SAFB: variants seen among roughly 807,000 people sequenced by gnomAD.
SAFB encodes scaffold attachment factor B.
In SAFB, 15 loss-of-function variants were observed where a neutral mutation model predicts 101.6. That is an observed-to-expected ratio of 0.15 (90% CI 0.10 to 0.23). The LOEUF is 0.23. Ranked by LOEUF, SAFB falls within the 10% of genes least tolerant of loss-of-function variation. The pLI is 1.00. For missense variants in SAFB, 930 were observed against 1,104.1 expected (o/e 0.84, Z 2.23); for synonymous variants, 449 against 407.5 (o/e 1.10, Z -1.23).
intron 14 of SAFB, among the ~76,000 whole-genome samples, chr19:5,661,153 C>T (rs746395180): frequency 5.3e-5 from 8 of 151,970 alleles, no homozygotes; most frequent in African/African-American, 7.3e-5. Flanking sequence ...GATCTCTTGA[C>T]CTCATGATCC....
chr19:5,642,076 G>A (rs755037537), intron 4 of SAFB, 130 bp downstream of exon 4: 2 of 773,420 alleles, frequency 2.6e-6, no homozygotes, highest in Admixed American at 2.0e-5. Context: ...GGGTCAGTTG[G>A]TTCAGATGAT....
intron 2 of SAFB, 50 bp downstream of exon 2, chr19:5,626,539 C>A: frequency 9.4e-7 from 1 of 1,063,852 alleles, no homozygotes; most frequent in Non-Finnish European, 1.5e-6. Context: ...TTCTTCAAAA[C>A]GAATACATTG....
Position 5,667,743 on chromosome 19 carries a change from G to A in SAFB, c.2558-77G>A. 6.9e-7 allele frequency: 1 copy of A among 1,454,248 alleles called. No homozygotes were observed. Among genetic ancestry groups the A allele is most frequent in the Non-Finnish European group, 9.6e-7 (1 of 1,040,774 alleles). The allele number at this position is 1,454,248 out of a possible 1,614,324, so 90.1% of individuals were successfully genotyped here. A position where few individuals can be genotyped will look rare whatever the true frequency, so the allele number is the denominator to read the frequency against. ...GTACCTGGGGGCCTCACCAAAGGGA[G>A]TGGAGTGGGCTAAATGTGCCGTGGG... is the stretch of plus-strand genomic sequence containing the variant. On this transcript the variant is annotated intron_variant, in intron 19 of 20. Transcript: ENST00000588852. The surrounding 1 kb of genome is among the most constrained non-coding windows in gnomAD (Gnocchi z 4.0).
At chr19:5,626,832 G>T (rs1461151890) in intron 2 of SAFB, among the ~76,000 whole-genome samples, 1 of 152,188 alleles carries the variant, frequency 6.6e-6, no homozygotes, top group Non-Finnish European at 1.5e-5. Flanking sequence ...GATCACATGA[G>T]CCTGGGAGTT....
intron 14 of SAFB, among the ~76,000 whole-genome samples, chr19:5,658,851 A>AG (rs1262568053): frequency 3.4e-4 from 38 of 110,436 alleles, no homozygotes; most frequent in African/African-American, 7.7e-4. Context: ...TCAAAAAAAA[A>AG]GGGGGGGTCG....
rs1201953687 is a variant in SAFB at position 5,657,335 on chromosome 19, C to T, written c.1850C>T (p.Ser617Leu). 9 of 1,608,994 alleles carry T rather than the reference C, an allele frequency of 5.6e-6. No individual in the cohort carries two copies. The highest frequency in any genetic ancestry group is 7.7e-6 in the Non-Finnish European group (9 of 1,175,398). The change falls in exon 14 of 21, where the codon TCA (serine) becomes TTA (leucine). Residue 617 changes from serine to leucine, a missense_variant. Coordinates refer to ENST00000588852, the MANE Select transcript of SAFB (RefSeq NM_001201338.2). The part of the protein sequence containing the change: ...KVKEPRKSRD[S>L]ESHSRVRERS... ...AAGGAGCCTCGGAAGTCAAGAGACT[C>T]AGAGTCCCATAGGTGAGTAGGGATC...
At chr19:5,653,637 G>A (rs2053989708) in intron 11 of SAFB, among the ~76,000 whole-genome samples, 1 of 152,100 alleles carries the variant, frequency 6.6e-6, no homozygotes, top group Non-Finnish European at 1.5e-5. Context: ...GCTAATTTTT[G>A]TATTTTCAGT....
chr19:5,651,690 C>T (rs1295224961), intron 9 of SAFB, among the ~76,000 whole-genome samples: 2 of 152,192 alleles, frequency 1.3e-5, no homozygotes. Flanking sequence ...GCCCTCCTCC[C>T]TGTGCTTTCT....
chr19:5,624,404 G>A (rs2053295921), intron 1 of SAFB, among the ~76,000 whole-genome samples: 1 of 152,096 alleles, frequency 6.6e-6, no homozygotes, highest in Admixed American at 6.5e-5. Context: ...TTTGCAGATC[G>A]GGGGCTCTAA....
At chr19:5,656,697 C>G (rs947580048) in intron 13 of SAFB, among the ~76,000 whole-genome samples, 3 of 151,866 alleles carry the variant, frequency 2.0e-5, no homozygotes, top group African/African-American at 7.3e-5. Context: ...CCACCTCATC[C>G]TCCAAAGTAA....
intron 4 of SAFB, among the ~76,000 whole-genome samples, chr19:5,642,469 CAAA>C (rs11366187): frequency 1.4e-5 from 2 of 139,248 alleles, no homozygotes; most frequent in Admixed American, 7.2e-5. Context: ...AACAAACAAA[CAAA>C]AAAAAAAACA....
intron 4 of SAFB, among the ~76,000 whole-genome samples, chr19:5,642,869 G>T (rs553225017): frequency 3.3e-5 from 5 of 151,936 alleles, no homozygotes; most frequent in South Asian, 2.1e-4. Flanking sequence ...TTTTCACCAT[G>T]TTGGCCAGGC....
intron 9 of SAFB, 56 bp from the exon 10 acceptor site, chr19:5,653,059 C>T: frequency 3.8e-6 from 6 of 1,595,316 alleles, no homozygotes; most frequent in Non-Finnish European, 5.1e-6. Flanking sequence ...TTCATATCCC[C>T]ATGCCCCGCT....
At chr19:5,644,720 C>T (rs997447746) in intron 4 of SAFB, among the ~76,000 whole-genome samples, 1 of 152,214 alleles carries the variant, frequency 6.6e-6, no homozygotes, top group Non-Finnish European at 1.5e-5. Flanking sequence ...GTTTCAGTCA[C>T]AAATTATCTG....
At chr19:5,639,824 GTGTTT>G (rs1051621025) in intron 2 of SAFB, among the ~76,000 whole-genome samples, 1 of 152,028 alleles carries the variant, frequency 6.6e-6, no homozygotes. Context: ...TGGAGCCGAA[GTGTTT>G]TGTTTGTTTG....
intron 17 of SAFB, 171 bp from the exon 18 acceptor site, chr19:5,666,875 C>T (rs1850860493): frequency 2.8e-6 from 2 of 712,274 alleles, no homozygotes; most frequent in African/African-American, 3.5e-5. Context: ...CACAGGGCCT[C>T]TGGCCTGCAG....
At chr19:5,625,385 C>G (rs2053335949) in intron 1 of SAFB, among the ~76,000 whole-genome samples, 1 of 152,150 alleles carries the variant, frequency 6.6e-6, no homozygotes, top group Non-Finnish European at 1.5e-5. Context: ...GAACTTCAGT[C>G]CCTTTTCTGG....
In SAFB at chr19:5,661,769, AGCGGCGGCCCGCGGT is replaced by A. The variant is rs755250595; in HGVS notation, c.2125_2139del (p.Ala709_Pro713del). ...CAGCAGGAACTGCGCTATGAGCAGG[AGCGGCGGCCCGCGGT>A]GCGGCGGCCCTACGACCTGGACCGG... On this transcript the variant is annotated inframe_deletion, in exon 15 of 21. Transcript: ENST00000588852. 16 of 1,575,088 alleles carry A rather than the reference AGCGGCGGCCCGCGGT, an allele frequency of 1.0e-5. No individual in the cohort carries two copies. The highest frequency in any genetic ancestry group is 1.3e-5 in the Non-Finnish European group (15 of 1,162,174).
chr19:5,653,220 C>T lies in SAFB; in HGVS notation c.1399C>T (p.Leu467=), dbSNP rs1424804481. Reference sequence around the variant, plus strand: ...AGAGGCCACAAAATGCATTAACCACCTGCACAAGACGGAGCTCCACGGAAA... The same window carrying T: ...AGAGGCCACAAAATGCATTAACCACTTGCACAAGACGGAGCTCCACGGAAA... ...AEEATKCINH[L]HKTELHGKMI... Residue 467 remains leucine (L), a synonymous_variant, in exon 10 of 21, where the codon CTG becomes TTG. Coordinates refer to ENST00000588852, the MANE Select transcript of SAFB (RefSeq NM_001201338.2). 5.0e-6 allele frequency: 8 copies of T among 1,614,010 alleles called. No individual in the cohort carries two copies. The East Asian group carries it at 1.3e-4, about 27-fold the overall frequency.
Sources: allele counts gnomAD v4.1 joint callset (sites outside exome capture counted in the v4.1 genomes callset), GRCh38; gene constraint gnomAD v4.1.1; non-coding constraint Gnocchi (gnomAD v3.1); transcripts MANE v1.5; gene names NCBI Gene and HGNC (gene_info 2026-07-23, HGNC 2026-07-21).